FSD2: variants seen among roughly 807,000 people sequenced by gnomAD.
The protein encoded by FSD2 is fibronectin type III and SPRY domain containing 2.
FSD2 carries 71 observed loss-of-function variants against 80.4 expected under a neutral mutation model. The ratio of observed to expected loss-of-function variants is 0.88; its 90% CI spans 0.73 to 1.08. The LOEUF is 1.08. Ranked by LOEUF, FSD2 falls within the 50% of genes least tolerant of loss-of-function variation. FSD2 has a pLI of 0.00. For missense variants in FSD2, 923 were observed against 913.8 expected (o/e 1.01, Z -0.13); for synonymous variants, 361 against 329.5 (o/e 1.10, Z -1.03).
At chr15:82,784,255 A>ATTTTT (rs1001596532) in intron 3 of FSD2, among the ~76,000 whole-genome samples, 204 of 150,176 alleles carry the variant, frequency 1.4e-3, no homozygotes, top group African/African-American at 3.7e-3. Flanking sequence ...ATTTTATTTT[A>ATTTTT]TTTTTTTTTT....
At chr15:82,765,457 G>A (rs181515489) in intron 10 of FSD2, among the ~76,000 whole-genome samples, 159 bp from the exon 11 acceptor site, 5 of 152,182 alleles carry the variant, frequency 3.3e-5, no homozygotes, top group African/African-American at 1.2e-4. Flanking sequence ...ACACTCATCG[G>A]GCAGTCTTGT....
intron 6 of FSD2, 86 bp from the exon 7 acceptor site, chr15:82,772,314 C>A (rs2049601959): frequency 7.5e-7 from 1 of 1,326,112 alleles, no homozygotes; most frequent in East Asian, 2.5e-5. Context: ...ATTGATCCCC[C>A]CAATGAATCC....
At chr15:82,782,589 G>C (rs924203928) in intron 4 of FSD2, among the ~76,000 whole-genome samples, 1 of 152,196 alleles carries the variant, frequency 6.6e-6, no homozygotes, top group South Asian at 2.1e-4. Flanking sequence ...GGCCACTCAC[G>C]TGGAAGCCAT....
At chr15:82,800,635 C>T (rs2050387470) in intron 1 of FSD2, among the ~76,000 whole-genome samples, 4 of 131,046 alleles carry the variant, frequency 3.1e-5, no homozygotes, top group African/African-American at 1.2e-4. Flanking sequence ...AACGTTGCAG[C>T]GAGCCAAGAT....
chr15:82,799,127 T>TG (rs773188047), intron 1 of FSD2, among the ~76,000 whole-genome samples: 1 of 152,154 alleles, frequency 6.6e-6, no homozygotes, highest in Non-Finnish European at 1.5e-5. Context: ...CCTCCCGCCT[T>TG]GGTCTCCCAA....
intron 1 of FSD2, among the ~76,000 whole-genome samples, chr15:82,802,190 C>G (rs2050429839): frequency 6.6e-6 from 1 of 152,210 alleles, no homozygotes; most frequent in Admixed American, 6.5e-5. Flanking sequence ...ACAGCTTCTT[C>G]TCACACTGAA....
In FSD2 at chr15:82,786,872, T is replaced by C; in HGVS notation, c.519A>G (p.Glu173=). The change falls in exon 2 of 13, where the codon GAA becomes GAG. Residue 173 remains glutamate, a synonymous_variant. Coordinates refer to ENST00000334574, the MANE Select transcript of FSD2 (RefSeq NM_001007122.4). Reference sequence around the variant, plus strand: ...TGACACAGAAGACATCAGCAGCTTCTTCTTCATCCTCTTCCTCGGGGATGA... The same window carrying C: ...TGACACAGAAGACATCAGCAGCTTCCTCTTCATCCTCTTCCTCGGGGATGA... ...CYVIPEEEDE[E]EAADVFCVTC... 1 of 1,614,046 alleles carries C rather than the reference T, an allele frequency of 6.2e-7. No individual in the cohort carries two copies. The highest frequency in any genetic ancestry group is 8.5e-7 in the Non-Finnish European group (1 of 1,179,894).
chr15:82,804,742 G>A (rs2050489456), intron 1 of FSD2, among the ~76,000 whole-genome samples: 1 of 152,230 alleles, frequency 6.6e-6, no homozygotes, highest in Non-Finnish European at 1.5e-5. Context: ...AAAACACTTA[G>A]TGCAAATACA....
Position 82,769,307 on chromosome 15 carries a change from C to T in FSD2, c.1403-277G>A, listed in dbSNP as rs993585839. On this transcript the variant is annotated intron_variant, in intron 8 of 12. Transcript: ENST00000334574. ...ACTGTCGGCTGAGTGCAGTGGCTCACGCCTGTGATCCCAGCACTTTGGGAG... is the reference window on the plus strand; with the variant it reads ...ACTGTCGGCTGAGTGCAGTGGCTCATGCCTGTGATCCCAGCACTTTGGGAG... Among the ~76,000 whole-genome samples the T allele has an allele frequency of 1.1e-4, 17 of 152,092 alleles. 1 individual carries two copies. The highest frequency in any genetic ancestry group is 7.2e-4 in the Admixed American group (11 of 15,270).
chr15:82,772,360 G>C, intron 6 of FSD2, 132 bp from the exon 7 acceptor site: 1 of 871,850 alleles, frequency 1.1e-6, no homozygotes, highest in East Asian at 2.6e-5. Flanking sequence ...GTCCAGAGTA[G>C]ACAAGGATGG....
chr15:82,803,803 G>C (rs1476622413), intron 1 of FSD2, among the ~76,000 whole-genome samples: 4 of 151,922 alleles, frequency 2.6e-5, no homozygotes, highest in Non-Finnish European at 5.9e-5. Flanking sequence ...CCCTCTCCCT[G>C]CTCCCCAAGA....
chr15:82,783,117 G>A (rs1358666549), intron 3 of FSD2, 92 bp from the exon 4 acceptor site: 1 of 944,054 alleles, frequency 1.1e-6, no homozygotes, highest in Non-Finnish European at 1.6e-6. Flanking sequence ...GTTTGTTTTT[G>A]AGACACAGTC....
intron 4 of FSD2, 71 bp downstream of exon 4, chr15:82,782,724 A>T: frequency 7.6e-7 from 1 of 1,316,794 alleles, no homozygotes; most frequent in Non-Finnish European, 1.1e-6. Flanking sequence ...CCTCAACCAT[A>T]ACTGTCGTTT....
chr15:82,779,614 T>C, intron 5 of FSD2, among the ~76,000 whole-genome samples: 1 of 149,772 alleles, frequency 6.7e-6, no homozygotes, highest in South Asian at 2.1e-4. Flanking sequence ...TGCAGTGAGC[T>C]GAGACCTTGC....
At chr15:82,792,005 A>G (rs1029249899) in intron 1 of FSD2, among the ~76,000 whole-genome samples, 1 of 152,268 alleles carries the variant, frequency 6.6e-6, no homozygotes, top group East Asian at 1.9e-4. Flanking sequence ...GTGGCTTCCC[A>G]TTTCATTTGG....
chr15:82,762,256 G>T lies in FSD2; in HGVS notation c.1843C>A (p.Leu615Ile). 1 of 1,613,896 alleles carries T rather than the reference G, an allele frequency of 6.2e-7. No homozygotes were observed. The highest frequency in any genetic ancestry group is 8.5e-7 in the Non-Finnish European group (1 of 1,179,846). ...FTRCVAVMGN[L>I]IPVRGHHYWE... ...TAATGGTGCCCTCGGACTGGAATTA[G>T]ATTTCCCATGACAGCAACACACCTG... Residue 615 changes from leucine (L) to isoleucine (I), a missense_variant, in exon 12 of 13, where the codon CTA becomes ATA. By Grantham distance (5) the Leu-to-Ile change is conservative (BLOSUM62 2). Transcript: ENST00000334574.
At chr15:82,796,000 C>CTTTTTTTTTTTTTTT (rs143711664) in intron 1 of FSD2, among the ~76,000 whole-genome samples, 1 of 117,498 alleles carries the variant, frequency 8.5e-6, no homozygotes. Flanking sequence ...TTTTTCTTTT[C>CTTTTTTTTTTTTTTT]TTTTTTTTTT....
chr15:82,764,512 T>TTTTTTTTTTTTTTA (rs2049366368), intron 11 of FSD2, among the ~76,000 whole-genome samples: 1 of 121,842 alleles, frequency 8.2e-6, no homozygotes, highest in Non-Finnish European at 1.7e-5. Flanking sequence ...TTTTTTTTTT[T>TTTTTTTTTTTTTTA]GAGAAGGAGT....
At chr15:82,780,724 TAA>T (rs949626439) in intron 4 of FSD2, among the ~76,000 whole-genome samples, 4 of 151,518 alleles carry the variant, frequency 2.6e-5, no homozygotes, top group Admixed American at 6.6e-5. Context: ...ATCATATATA[TAA>T]GATAGTTATA....
Sources: allele counts gnomAD v4.1 joint callset (sites outside exome capture counted in the v4.1 genomes callset), GRCh38; gene constraint gnomAD v4.1.1; transcripts MANE v1.5; gene names NCBI Gene and HGNC (gene_info 2026-07-23, HGNC 2026-07-21).